CACNA1I: variants seen among roughly 807,000 people sequenced by gnomAD.
CACNA1I encodes the protein voltage-dependent T-type calcium channel subunit alpha-1I.
CACNA1I carries 74 observed loss-of-function variants against 201.6 expected under a neutral mutation model. The ratio of observed to expected loss-of-function variants is 0.37; its 90% CI spans 0.30 to 0.45. CACNA1I has a LOEUF of 0.45. Among genes scored for constraint, CACNA1I ranks in the 20% least tolerant of loss-of-function variants. CACNA1I has a pLI of 1.00. For missense variants in CACNA1I, 2,346 were observed against 3,138.1 expected (o/e 0.75, Z 6.03); for synonymous variants, 1,431 against 1,345.2 (o/e 1.06, Z -1.40).
intron 4 of CACNA1I, among the ~76,000 whole-genome samples, chr22:39,620,237 G>GTCCATCCATCCA (rs67971450): frequency 3.7e-4 from 44 of 117,674 alleles, no homozygotes; most frequent in African/African-American, 1.3e-3. Context: ...CCATCCACCT[G>GTCCATCCATCCA]TCCATCCATC....
Position 39,646,815 on chromosome 22 carries a change from G to T in CACNA1I, c.1396G>T (p.Ala466Ser), listed in dbSNP as rs1204968393. 1 of 1,548,434 alleles carries T rather than the reference G, an allele frequency of 6.5e-7. No homozygotes were observed. The highest frequency in any genetic ancestry group is 1.4e-5 in the African/African-American group (1 of 72,996). ...LYQALQSRRQALGPEAPAPAK... is the reference protein window; with the variant it reads ...LYQALQSRRQSLGPEAPAPAK... ...CCAGGCCCTGCAGAGCCGGCGCCAG[G>T]CCCTGGGCCCGGAGGCCCCGGCCCC... The change falls in exon 8 of 37, where the codon GCC becomes TCC. Residue 466 changes from alanine to serine, a missense_variant. Physicochemically the swap from Ala to Ser is moderately conservative, Grantham distance 99. Around this residue, in one of 13 missense-constraint regions of CACNA1I, gnomAD observed 312 missense variants for 331.5 expected, o/e 0.94. Coordinates refer to ENST00000402142, the MANE Select transcript of CACNA1I (RefSeq NM_021096.4).
At position 39,686,545 on chromosome 22, in the gene CACNA1I, T is replaced by G; in HGVS notation, c.*140T>G. 1.7e-6 allele frequency: 1 copy of G among 583,726 alleles called. No homozygotes were observed. The highest frequency in any genetic ancestry group is 2.4e-6 in the Non-Finnish European group (1 of 413,502). 36.2% of individuals were successfully genotyped at this position (583,726 alleles called of 1,614,324 possible). On this transcript the variant is annotated 3_prime_UTR_variant, in exon 37 of 37. Transcript: ENST00000402142. ...GGGCACAGGCGCCCGACAGCCGGGCTGAGCGGAGTCTGGGTTAGCCAGGCC... is the reference window on the plus strand; with the variant it reads ...GGGCACAGGCGCCCGACAGCCGGGCGGAGCGGAGTCTGGGTTAGCCAGGCC...
chr22:39,680,862 C>T lies in CACNA1I; in HGVS notation c.5542-68C>T, dbSNP rs1251462801. 1.1e-5 allele frequency: 17 copies of T among 1,519,416 alleles called. No individual in the cohort carries two copies. The Middle Eastern group carries it at 1.1e-3, about 102-fold the overall frequency. 94.1% of individuals were successfully genotyped at this position (1,519,416 alleles called of 1,614,324 possible). A position where few individuals can be genotyped will look rare whatever the true frequency, so the allele number is the denominator to read the frequency against. On this transcript the variant is annotated intron_variant, in intron 33 of 36. Transcript: ENST00000402142. Reference sequence around the variant, plus strand: ...CTTCAGAGCCTCAGGCCTGTGGCTGCACGCCCCAGGACCCAGGTCTGCCCA... The same window carrying T: ...CTTCAGAGCCTCAGGCCTGTGGCTGTACGCCCCAGGACCCAGGTCTGCCCA...
At chr22:39,580,432 A>G (rs1932510273) in intron 1 of CACNA1I, among the ~76,000 whole-genome samples, 1 of 152,212 alleles carries the variant, frequency 6.6e-6, no homozygotes. Flanking sequence ...GGGCAACCTC[A>G]GGTACCCTGG....
At chr22:39,589,347 G>A (rs906241371) in intron 1 of CACNA1I, among the ~76,000 whole-genome samples, 16 of 152,172 alleles carry the variant, frequency 1.1e-4, no homozygotes, top group African/African-American at 1.9e-4. Context: ...GGGTCCTAGC[G>A]TGGGCATATG....
rs1465463380 is a variant in CACNA1I at position 39,677,289 on chromosome 22, T to C, written c.4855-52T>C. ...CAGCCTCCACCCTTCCCAGGCCTGG[T>C]GCGCCCCCACCCGCTCCCCAGCCCC... On this transcript the variant is annotated intron_variant, in intron 29 of 36. Transcript: ENST00000402142. This position sits in a 1 kb window ranked among gnomAD's most constrained non-coding sequence, Gnocchi z 4.8. 7.8e-7 allele frequency: 1 copy of C among 1,283,738 alleles called. No individual in the cohort carries two copies. The highest frequency in any genetic ancestry group is 2.5e-5 in the East Asian group (1 of 40,238). The allele number at this position is 1,283,738 out of a possible 1,614,324, so 79.5% of individuals were successfully genotyped here.
At chr22:39,669,639 AATGGATAGATGGGTGGATGAGTGG>A (rs1197780564) in intron 24 of CACNA1I, among the ~76,000 whole-genome samples, 5 of 143,558 alleles carry the variant, frequency 3.5e-5, no homozygotes, top group African/African-American at 1.3e-4. Flanking sequence ...TAGATGGGTG[AATGGATAGATGGGTGGATGAGTGG>A]ATGGATGGGT....
At chr22:39,615,614 C>G (rs139747428) in intron 3 of CACNA1I, among the ~76,000 whole-genome samples, 4 of 152,312 alleles carry the variant, frequency 2.6e-5, no homozygotes, top group Non-Finnish European at 4.4e-5. Context: ...GTGCTCTTCC[C>G]TCTTCCCTCC....
In CACNA1I at chr22:39,686,170, G is replaced by A; in HGVS notation, c.6437G>A (p.Gly2146Asp). The change falls in exon 37 of 37, where the codon GGC becomes GAC. Residue 2146 changes from glycine (G) to aspartate (D), a missense_variant. Physicochemically the swap from Gly to Asp is moderately conservative, Grantham distance 94. Around this residue, in one of 13 missense-constraint regions of CACNA1I, gnomAD observed 187 missense variants for 151.0 expected, o/e 1.24. Coordinates refer to ENST00000402142, the MANE Select transcript of CACNA1I (RefSeq NM_021096.4). ...FCPPPPPPAPGLTPARKFSST... is the reference protein window; with the variant it reads ...FCPPPPPPAPDLTPARKFSST... ...CCGCCGCCCCCGCCGCCAGCCCCCGGCCTCACGCCCGCCAGGAAGTTCAGC... is the reference window on the plus strand; with the variant it reads ...CCGCCGCCCCCGCCGCCAGCCCCCGACCTCACGCCCGCCAGGAAGTTCAGC... 7.8e-7 allele frequency: 1 copy of A among 1,283,356 alleles called. No homozygotes were observed. 79.5% of individuals were successfully genotyped at this position (1,283,356 alleles called of 1,614,324 possible).
chr22:39,651,680 C>T (rs560300577), intron 10 of CACNA1I, among the ~76,000 whole-genome samples: 8 of 152,328 alleles, frequency 5.3e-5, no homozygotes, highest in African/African-American at 9.6e-5. Flanking sequence ...CCTCGAGCCC[C>T]GGCACTGTCC....
intron 10 of CACNA1I, among the ~76,000 whole-genome samples, chr22:39,655,697 C>T (rs1934794646): frequency 6.6e-6 from 1 of 152,106 alleles, no homozygotes. Flanking sequence ...CCCATCTCCG[C>T]CCCTCCCTCT....
At chr22:39,679,662 C>G in intron 32 of CACNA1I, 60 bp from the exon 33 acceptor site, 1 of 1,499,382 alleles carries the variant, frequency 6.7e-7, no homozygotes, top group African/African-American at 1.4e-5. Context: ...CTGCCCACCC[C>G]ACAGCCCCGG....
chr22:39,613,991 C>A (rs1933459673), intron 3 of CACNA1I, among the ~76,000 whole-genome samples: 1 of 152,324 alleles, frequency 6.6e-6, no homozygotes, highest in Middle Eastern at 3.4e-3. Flanking sequence ...GCGTGCGCCA[C>A]CATGCCCAGC....
intron 7 of CACNA1I, among the ~76,000 whole-genome samples, chr22:39,645,275 C>T (rs1044646459): frequency 2.0e-5 from 3 of 152,260 alleles, no homozygotes; most frequent in Admixed American, 2.0e-4. Flanking sequence ...GCATGAGCCA[C>T]CGCACCTGGC....
At chr22:39,645,385 C>T (rs1283295819) in intron 7 of CACNA1I, among the ~76,000 whole-genome samples, 3 of 152,308 alleles carry the variant, frequency 2.0e-5, no homozygotes, top group South Asian at 2.1e-4. Context: ...CCACCCGGGT[C>T]GCCCAGGGCA....
intron 19 of CACNA1I, 79 bp from the exon 20 acceptor site, chr22:39,664,012 C>G: frequency 6.5e-7 from 1 of 1,546,464 alleles, no homozygotes; most frequent in Middle Eastern, 1.7e-4. Flanking sequence ...CTCTACGAAC[C>G]TTGGCCAAAG....
intron 3 of CACNA1I, among the ~76,000 whole-genome samples, chr22:39,610,325 G>A (rs1933350592): frequency 6.6e-6 from 1 of 152,212 alleles, no homozygotes; most frequent in Admixed American, 6.5e-5. Context: ...GCACGAAAGA[G>A]CTGGGGAGAG....
rs930394139 is a variant in CACNA1I at position 39,664,008 on chromosome 22, G to A, written c.3598-83G>A. 107 of 1,540,828 alleles carry A rather than the reference G, an allele frequency of 6.9e-5. 1 individual carries two copies. The Admixed American group carries it at 1.8e-3, about 26-fold the overall frequency. ...TGAGAGGTGGCAGCCTCTCCTCTAC[G>A]AACCTTGGCCAAAGCAGCGGCTGGC... On this transcript the variant is annotated intron_variant, in intron 19 of 36. Coordinates refer to ENST00000402142, the MANE Select transcript of CACNA1I (RefSeq NM_021096.4).
At chr22:39,588,385 CTTTT>C (rs3044379) in intron 1 of CACNA1I, among the ~76,000 whole-genome samples, 12 of 80,712 alleles carry the variant, frequency 1.5e-4, no homozygotes, top group African/African-American at 3.5e-4. Flanking sequence ...TTCTTTCTTT[CTTTT>C]TTTTTTTTTT....
Sources: allele counts gnomAD v4.1 joint callset (sites outside exome capture counted in the v4.1 genomes callset), GRCh38; gene constraint gnomAD v4.1.1; regional missense constraint gnomAD v4.1.1; non-coding constraint Gnocchi (gnomAD v3.1); transcripts MANE v1.5; gene names NCBI Gene and HGNC (gene_info 2026-07-23, HGNC 2026-07-21).